GRM8: variants seen among roughly 807,000 people sequenced by gnomAD.
GRM8 encodes the protein metabotropic glutamate receptor 8.
A neutral mutation model predicts 87.2 loss-of-function variants in GRM8; 47 were observed. The observed-to-expected ratio is 0.54, with a 90% CI of 0.43 to 0.69. The LOEUF (loss-of-function observed/expected upper bound fraction) is 0.69. Among genes scored for constraint, GRM8 ranks in the 30% least tolerant of loss-of-function variants. The pLI is 0.00. For synonymous variants in GRM8, 396 were observed against 404.5 expected (o/e 0.98, Z 0.25); for missense variants, 1,019 against 1,139.2 (o/e 0.89, Z 1.52).
At chr7:127,101,680 T>C (rs1825274576) in intron 3 of GRM8, among the ~76,000 whole-genome samples, 1 of 152,142 alleles carries the variant, frequency 6.6e-6, no homozygotes, top group Non-Finnish European at 1.5e-5. Context: ...ATAAGCCAAT[T>C]AAACCTCTTT....
chr7:126,808,018 AT>A (rs760642029), intron 6 of GRM8, among the ~76,000 whole-genome samples: 7 of 152,192 alleles, frequency 4.6e-5, no homozygotes, highest in Admixed American at 1.3e-4. Context: ...GTAGAAAAAA[AT>A]ATCCTAGTCC....
chr7:126,844,261 G>A (rs1361988), intron 6 of GRM8, among the ~76,000 whole-genome samples: 54,865 of 151,986 alleles, frequency 0.36, 11,138 homozygotes, highest in Non-Finnish European at 0.46. Flanking sequence ...TCTGGAATTT[G>A]TTAAAATCCA....
At position 126,535,617 on chromosome 7, in the gene GRM8, G is replaced by A. The variant is rs1050132541; in HGVS notation, c.1495-1730C>T. On this transcript the variant is annotated intron_variant, in intron 8 of 10. Coordinates refer to ENST00000339582, the MANE Select transcript of GRM8 (RefSeq NM_000845.3). ...TTATGCAGAAATTTCTAGGAAAAAG[G>A]TAATAACTACTAGGTTGCAGGTCGC... Among the ~76,000 whole-genome samples, 16 of 152,176 alleles carry A rather than the reference G, an allele frequency of 1.1e-4. 1 individual carries two copies. Among genetic ancestry groups the A allele is most frequent in the Admixed American group, 1.0e-3 (16 of 15,286 alleles).
At chr7:126,825,877 C>G (rs958457790) in intron 6 of GRM8, among the ~76,000 whole-genome samples, 2 of 150,338 alleles carry the variant, frequency 1.3e-5, no homozygotes, top group Admixed American at 6.6e-5. Flanking sequence ...CACCTCCCCC[C>G]ACCCCACAAC....
chr7:126,456,430 A>G (rs1803227802), intron 9 of GRM8, among the ~76,000 whole-genome samples: 1 of 147,586 alleles, frequency 6.8e-6, no homozygotes, highest in African/African-American at 2.5e-5. Context: ...CCACAATTCT[A>G]GGGTACTACA....
intron 2 of GRM8, among the ~76,000 whole-genome samples, chr7:127,222,132 G>T (rs552216228): frequency 2.0e-5 from 3 of 152,306 alleles, no homozygotes; most frequent in African/African-American, 7.2e-5. Context: ...TCACCAACAT[G>T]CAGTGGCTCA....
chr7:127,170,798 G>A (rs925794894), intron 2 of GRM8, among the ~76,000 whole-genome samples: 24 of 152,214 alleles, frequency 1.6e-4, no homozygotes, highest in African/African-American at 4.3e-4. Flanking sequence ...CTATGAGAAC[G>A]CAAAGGCATA....
intron 9 of GRM8, among the ~76,000 whole-genome samples, chr7:126,473,487 G>C (rs974834223): frequency 6.6e-6 from 1 of 152,176 alleles, no homozygotes; most frequent in African/African-American, 2.4e-5. Context: ...AATGTATCTA[G>C]GAAGTAACTA....
intron 6 of GRM8, among the ~76,000 whole-genome samples, chr7:126,853,307 G>A (rs150405717): frequency 7.7e-4 from 117 of 152,212 alleles, no homozygotes; most frequent in African/African-American, 2.6e-3. Context: ...GATGATGGAG[G>A]TCGCAAGGTG....
rs192959026 is a variant in GRM8 at position 126,535,426 on chromosome 7, A to T, written c.1495-1539T>A. On this transcript the variant is annotated intron_variant, in intron 8 of 10. Coordinates refer to ENST00000339582, the MANE Select transcript of GRM8 (RefSeq NM_000845.3). ...TTGGCTCCACCCAGGAAAGAATTCA[A>T]GGGCAAGCTGATGGTGGTTAGAAGA... Among the ~76,000 whole-genome samples the T allele has an allele frequency of 2.0e-5, 3 of 152,308 alleles. No homozygotes were observed. In the East Asian group the frequency reaches 5.8e-4, roughly 29 times the overall value.
At chr7:126,796,409 C>T (rs1821956190) in intron 6 of GRM8, among the ~76,000 whole-genome samples, 1 of 152,038 alleles carries the variant, frequency 6.6e-6, no homozygotes, top group African/African-American at 2.4e-5. Context: ...AATTAATCCA[C>T]TTCTTTAAAA....
intron 9 of GRM8, among the ~76,000 whole-genome samples, chr7:126,468,881 T>C (rs1804823701): frequency 6.6e-6 from 1 of 152,118 alleles, no homozygotes; most frequent in Non-Finnish European, 1.5e-5. Flanking sequence ...ACATGACTAA[T>C]TCATGTATCT....
chr7:126,695,558 A>G (rs192735497), intron 7 of GRM8, among the ~76,000 whole-genome samples: 2 of 152,298 alleles, frequency 1.3e-5, no homozygotes, highest in Admixed American at 6.5e-5. Context: ...GCATATTAGA[A>G]GGCCCAATGC....
chr7:127,203,389 C>A (rs989427229), intron 2 of GRM8, among the ~76,000 whole-genome samples: 1 of 152,080 alleles, frequency 6.6e-6, no homozygotes, highest in Non-Finnish European at 1.5e-5. Context: ...ACTCTTGTAA[C>A]AAGCTTGCAC....
chr7:126,481,940 T>C (rs762817155), intron 9 of GRM8, among the ~76,000 whole-genome samples: 3 of 151,992 alleles, frequency 2.0e-5, no homozygotes, highest in Non-Finnish European at 4.4e-5. Flanking sequence ...GTATCTCAAA[T>C]TTAAAAATTA....
At chr7:127,198,953 G>A (rs60083140) in intron 2 of GRM8, among the ~76,000 whole-genome samples, 1 of 150,992 alleles carries the variant, frequency 6.6e-6, no homozygotes, top group Non-Finnish European at 1.5e-5. Context: ...CAATTCTCCT[G>A]CCTCAGCCTT....
chr7:126,840,532 C>T (rs1004886075), intron 6 of GRM8, among the ~76,000 whole-genome samples: 5 of 152,124 alleles, frequency 3.3e-5, no homozygotes, highest in Non-Finnish European at 5.9e-5. Flanking sequence ...ATCATAACCA[C>T]GTGGCTTATA....
At chr7:126,655,015 A>C (rs984575325) in intron 7 of GRM8, among the ~76,000 whole-genome samples, 1 of 152,196 alleles carries the variant, frequency 6.6e-6, no homozygotes, top group Non-Finnish European at 1.5e-5. Flanking sequence ...GCAAGAAGTG[A>C]CCCAAAGAAA....
intron 6 of GRM8, among the ~76,000 whole-genome samples, chr7:126,773,220 T>C (rs1382972927): frequency 6.6e-6 from 1 of 152,076 alleles, no homozygotes; most frequent in Admixed American, 6.6e-5. Flanking sequence ...CACATACCTC[T>C]TCTGTAAATA....
Sources: allele counts gnomAD v4.1 joint callset (sites outside exome capture counted in the v4.1 genomes callset), GRCh38; gene constraint gnomAD v4.1.1; transcripts MANE v1.5; gene names NCBI Gene and HGNC (gene_info 2026-07-23, HGNC 2026-07-21).